KCNIP1: variants seen among roughly 807,000 people sequenced by gnomAD.
The protein encoded by KCNIP1 is A-type potassium channel modulatory protein KCNIP1.
A neutral mutation model predicts 33.0 loss-of-function variants in KCNIP1; 18 were observed. The observed-to-expected ratio is 0.55, with a 90% confidence interval of 0.38 to 0.81. KCNIP1 has a LOEUF of 0.81. KCNIP1 is among the 30% of genes least tolerant of loss of function. KCNIP1 has a pLI of 0.00. For synonymous variants in KCNIP1, 93 were observed against 98.3 expected (o/e 0.95, Z 0.32); for missense variants, 238 against 271.6 (o/e 0.88, Z 0.87).
At chr5:170,366,384 A>C (rs376334271) in intron 1 of KCNIP1, among the ~76,000 whole-genome samples, 1 of 152,182 alleles carries the variant, frequency 6.6e-6, no homozygotes, top group African/African-American at 2.4e-5. Flanking sequence ...TGAGGACACC[A>C]CCCTGGAAGG....
chr5:170,373,228 C>T (rs1476954384), intron 1 of KCNIP1, among the ~76,000 whole-genome samples: 4 of 152,192 alleles, frequency 2.6e-5, no homozygotes, highest in Non-Finnish European at 4.4e-5. Flanking sequence ...CATCAACTGA[C>T]TCATCTGGGG....
chr5:170,369,630 G>T (rs576495076), intron 1 of KCNIP1, among the ~76,000 whole-genome samples: 8 of 152,288 alleles, frequency 5.3e-5, no homozygotes, highest in East Asian at 1.9e-4. Context: ...AATCTCAAAG[G>T]GTTCAAGCTG....
chr5:170,572,208 T>C (rs1428465227), intron 1 of KCNIP1, among the ~76,000 whole-genome samples: 2 of 152,200 alleles, frequency 1.3e-5, no homozygotes, highest in Admixed American at 6.5e-5. Context: ...GTATGCGTAA[T>C]GTCCCAATTT....
chr5:170,433,251 A>G (rs1172061465), intron 1 of KCNIP1, among the ~76,000 whole-genome samples: 1 of 152,150 alleles, frequency 6.6e-6, no homozygotes, highest in African/African-American at 2.4e-5. Flanking sequence ...CAGTGGCACA[A>G]TCTTGGCTCA....
intron 1 of KCNIP1, among the ~76,000 whole-genome samples, chr5:170,459,965 G>C (rs1238747989): frequency 6.6e-6 from 1 of 152,140 alleles, no homozygotes; most frequent in Non-Finnish European, 1.5e-5. Context: ...GATAGGAAGA[G>C]AGAAAATCCA....
At chr5:170,399,547 A>G (rs1208731886) in intron 1 of KCNIP1, among the ~76,000 whole-genome samples, 2 of 152,244 alleles carry the variant, frequency 1.3e-5, no homozygotes, top group Non-Finnish European at 2.9e-5. Flanking sequence ...GAAAATAAAA[A>G]TCAATCAAGA....
intron 1 of KCNIP1, among the ~76,000 whole-genome samples, chr5:170,699,367 C>T (rs1314679848): frequency 6.6e-6 from 1 of 152,004 alleles, no homozygotes; most frequent in Non-Finnish European, 1.5e-5. Flanking sequence ...GAGAACTAAT[C>T]TGAAATCTGC....
At chr5:170,501,705 G>A (rs150892684), upstream of KCNIP1, among the ~76,000 whole-genome samples, 74 of 152,316 alleles carry the variant, frequency 4.9e-4, no homozygotes, top group Non-Finnish European at 3.1e-4. Flanking sequence ...GCCCCAAGGG[G>A]GAAGTAGCTT....
chr5:170,640,083 T>C (rs1760479006), intron 1 of KCNIP1, among the ~76,000 whole-genome samples: 1 of 151,918 alleles, frequency 6.6e-6, no homozygotes, highest in Non-Finnish European at 1.5e-5. Context: ...TCTGTGAGAG[T>C]GGCAGTGGCT....
intron 1 of KCNIP1, among the ~76,000 whole-genome samples, chr5:170,481,026 C>T (rs952565266): frequency 6.6e-6 from 1 of 152,162 alleles, no homozygotes; most frequent in Admixed American, 6.5e-5. Flanking sequence ...AAAACCCTAT[C>T]GCATTTGCCA....
At chr5:170,403,252 A>G (rs1474972848) in intron 1 of KCNIP1, among the ~76,000 whole-genome samples, 1 of 152,218 alleles carries the variant, frequency 6.6e-6, no homozygotes, top group South Asian at 2.1e-4. Flanking sequence ...CGTGGGCCAG[A>G]TGTCCTAGAA....
At chr5:170,477,044 G>A (rs1033149357) in intron 1 of KCNIP1, among the ~76,000 whole-genome samples, 7 of 152,184 alleles carry the variant, frequency 4.6e-5, no homozygotes, top group African/African-American at 1.7e-4. Context: ...GAGGGAAGCT[G>A]TAAGTGTATG....
At chr5:170,697,664 C>T (rs567517079) in intron 1 of KCNIP1, among the ~76,000 whole-genome samples, 4 of 152,290 alleles carry the variant, frequency 2.6e-5, no homozygotes, top group Admixed American at 1.3e-4. Flanking sequence ...GGGGTCCTAG[C>T]TCCTCGAGGA....
chr5:170,450,051 T>C (rs1171055826), intron 1 of KCNIP1, among the ~76,000 whole-genome samples: 1 of 152,162 alleles, frequency 6.6e-6, no homozygotes, highest in African/African-American at 2.4e-5. Context: ...ACTTAGGCCT[T>C]GAAACATGGC....
chr5:170,631,870 G>A (rs1318174402), intron 1 of KCNIP1, among the ~76,000 whole-genome samples: 1 of 152,208 alleles, frequency 6.6e-6, no homozygotes, highest in Admixed American at 6.5e-5. Context: ...GATGGTATGT[G>A]CACTGGCACA....
chr5:170,553,200 G>A (rs1267465387), intron 1 of KCNIP1, among the ~76,000 whole-genome samples: 2 of 152,206 alleles, frequency 1.3e-5, no homozygotes, highest in African/African-American at 2.4e-5. Flanking sequence ...CACCTCTGTC[G>A]AATCATAAAA....
chr5:170,466,303 G>A (rs1328939159), intron 1 of KCNIP1, among the ~76,000 whole-genome samples: 1 of 152,192 alleles, frequency 6.6e-6, no homozygotes, highest in Non-Finnish European at 1.5e-5. Flanking sequence ...GAGAGAGCAG[G>A]AGTTCAAGCT....
intron 1 of KCNIP1, among the ~76,000 whole-genome samples, chr5:170,536,136 A>G (rs1422614): frequency 1 from 152,348 of 152,374 alleles, 76,161 homozygotes; most frequent in Middle Eastern, 1. Flanking sequence ...CCATCAATGG[A>G]GATGACGAAA....
intron 1 of KCNIP1, among the ~76,000 whole-genome samples, chr5:170,543,803 A>G (rs1002751052): frequency 1.3e-5 from 2 of 152,234 alleles, no homozygotes; most frequent in African/African-American, 4.8e-5. Context: ...GTTATCCAAC[A>G]ATACTTTTGC....
Sources: allele counts gnomAD v4.1 joint callset (sites outside exome capture counted in the v4.1 genomes callset), GRCh38; gene constraint gnomAD v4.1.1; transcripts MANE v1.5; gene names NCBI Gene and HGNC (gene_info 2026-07-23, HGNC 2026-07-21).